FAP: variants seen among roughly 807,000 people sequenced by gnomAD.
FAP encodes the protein fibroblast activation protein alpha, also known as prolyl endopeptidase FAP.
In FAP, 110 loss-of-function variants were observed where a neutral mutation model predicts 126.5. The ratio of observed to expected loss-of-function variants is 0.87; its 90% CI spans 0.74 to 1.02. The LOEUF (loss-of-function observed/expected upper bound fraction) is 1.02, where lower values mean the gene tolerates loss of function less well. Ranked by LOEUF, FAP falls within the 50% of genes least tolerant of loss-of-function variation. The pLI is 0.00. For missense variants in FAP, 919 were observed against 909.2 expected (o/e 1.01, Z -0.14); for synonymous variants, 334 against 297.3 (o/e 1.12, Z -1.27).
At chr2:162,211,243 G>C (rs1010102058) in intron 11 of FAP, among the ~76,000 whole-genome samples, 7 of 152,146 alleles carry the variant, frequency 4.6e-5, no homozygotes, top group Admixed American at 4.6e-4. Context: ...TTGGAAGCTA[G>C]TTAGCAGAAA....
chr2:162,231,769 G>T lies in FAP; in HGVS notation c.92-5148C>A, dbSNP rs189860173. Among the ~76,000 whole-genome samples the T allele has an allele frequency of 5.9e-3, 902 of 152,294 alleles. 11 individuals carry two copies. The highest frequency in any genetic ancestry group is 0.02 in the African/African-American group (830 of 41,552). ...CTGTGTCTGTTTCTGCCATTTGATT[G>T]TCTAGTACTGAAAAATTAGGAATGG... On this transcript the variant is annotated intron_variant, in intron 2 of 25. Coordinates refer to ENST00000188790, the MANE Select transcript of FAP (RefSeq NM_004460.5).
chr2:162,226,429 T>C (rs995595065), intron 3 of FAP, 94 bp downstream of exon 3: 2 of 592,646 alleles, frequency 3.4e-6, no homozygotes, highest in African/African-American at 3.9e-5. Flanking sequence ...TTTCAACTGA[T>C]ACGGCTTCAG....
chr2:162,243,258 T>G (rs1161607159), intron 1 of FAP, 64 bp downstream of exon 1: 1 of 1,258,870 alleles, frequency 7.9e-7, no homozygotes, highest in East Asian at 2.3e-5. Context: ...AATAGAAAAC[T>G]CTGATCACGT....
chr2:162,209,959 G>A lies in FAP; in HGVS notation c.1040C>T (p.Ala347Val), dbSNP rs1688858493. ...AAGATAGCAAAATCATACTCCACCA[G>A]CCCATCCAGTTCTGCTTTCTTCTAT... is the stretch of plus-strand genomic sequence containing the variant. ...EHIEESRTGW[A>V]GGFFVSTPVF... The change falls in exon 12 of 26, where the codon GCT becomes GTT. Residue 347 changes from alanine (A) to valine (V), a missense_variant. Coordinates refer to ENST00000188790, the MANE Select transcript of FAP (RefSeq NM_004460.5). The A allele has an allele frequency of 1.9e-6, 3 of 1,612,584 alleles. No individual in the cohort carries two copies. The highest frequency in any genetic ancestry group is 2.7e-5 in the African/African-American group (2 of 74,870).
intron 21 of FAP, among the ~76,000 whole-genome samples, chr2:162,182,854 G>A (rs1306615332): frequency 1.3e-5 from 2 of 152,278 alleles, no homozygotes; most frequent in African/African-American, 4.8e-5. Flanking sequence ...CCTCAAGTGT[G>A]AGAAGTTATC....
chr2:162,199,133 C>CT (rs1360937682), intron 15 of FAP, among the ~76,000 whole-genome samples: 2 of 152,170 alleles, frequency 1.3e-5, no homozygotes, highest in Non-Finnish European at 2.9e-5. Flanking sequence ...GGAGAAATAT[C>CT]TAACACCTCA....
rs775798389 is a variant in FAP at position 162,216,000 on chromosome 2, G to A, written c.764C>T (p.Ala255Val). The change falls in exon 10 of 26, where the codon GCT (alanine) becomes GTT (valine). Residue 255 changes from alanine (A) to valine (V), a missense_variant and splice_region_variant. Ala to Val is a moderately conservative substitution (Grantham distance 64). Transcript: ENST00000188790. ...PRTINIPYPKAGAKNPVVRIF... is the reference protein window; with the variant it reads ...PRTINIPYPKVGAKNPVVRIF... ...CCGAACAACGGGATTCTTAGCTCCA[G>A]CCTGCCAAGAAAATTGAGATATATA... 1 of 1,612,200 alleles carries A rather than the reference G, an allele frequency of 6.2e-7. No individual in the cohort carries two copies. The highest frequency in any genetic ancestry group is 8.5e-7 in the Non-Finnish European group (1 of 1,178,460).
intron 20 of FAP, among the ~76,000 whole-genome samples, chr2:162,184,353 T>C (rs1398269757): frequency 6.6e-6 from 1 of 152,144 alleles, no homozygotes; most frequent in African/African-American, 2.4e-5. Flanking sequence ...CCCAGAAAAA[T>C]ACTATCTTCT....
chr2:162,202,833 A>G, intron 14 of FAP, 39 bp downstream of exon 14: 2 of 1,513,454 alleles, frequency 1.3e-6, no homozygotes, highest in South Asian at 1.1e-5. Flanking sequence ...GGTGCCAATT[A>G]AAACCTGAAT....
chr2:162,206,359 A>G (rs1416831637), intron 12 of FAP, among the ~76,000 whole-genome samples: 1 of 152,204 alleles, frequency 6.6e-6, no homozygotes, highest in Admixed American at 6.5e-5. Flanking sequence ...ACTCATCTCT[A>G]TATGAAGTGC....
chr2:162,188,333 C>T lies in FAP; in HGVS notation c.1650G>A (p.Arg550=). 1 of 1,613,044 alleles carries T rather than the reference C, an allele frequency of 6.2e-7. No individual in the cohort carries two copies. Among genetic ancestry groups the T allele is most frequent in the South Asian group, 1.1e-5 (1 of 91,046 alleles). The change falls in exon 20 of 26, where the codon AGG becomes AGA. Residue 550 remains arginine, a synonymous_variant. Coordinates refer to ENST00000188790, the MANE Select transcript of FAP (RefSeq NM_004460.5). ...VYGGPCSQSV[R]SVFAVNWISY... is the part of the protein sequence containing the mutation. ...ATATCCAATTAACAGCAAATACAGA[C>T]CTTACACTCTGACTGCAGGGACCAC...
intron 21 of FAP, among the ~76,000 whole-genome samples, chr2:162,178,707 G>A (rs192364418): frequency 1.3e-5 from 2 of 152,306 alleles, no homozygotes; most frequent in Admixed American, 1.3e-4. Flanking sequence ...CTCGATAATG[G>A]AGAGTAATGT....
intron 17 of FAP, 65 bp downstream of exon 17, chr2:162,194,636 A>G: frequency 7.0e-7 from 1 of 1,434,280 alleles, no homozygotes; most frequent in Non-Finnish European, 9.8e-7. Context: ...TGCTTTCTCT[A>G]GCGGAGCATC....
intron 14 of FAP, among the ~76,000 whole-genome samples, chr2:162,200,932 C>T (rs1001135542): frequency 2.0e-5 from 3 of 152,104 alleles, no homozygotes; most frequent in African/African-American, 7.2e-5. Context: ...TGATTAAGAA[C>T]AGTTTACCTG....
At chr2:162,199,028 A>T in intron 15 of FAP, 147 bp from the exon 16 acceptor site, 2 of 697,802 alleles carry the variant, frequency 2.9e-6, no homozygotes, top group Non-Finnish European at 4.7e-6. Context: ...GTAAAGGGGA[A>T]TCACAGTATT....
In FAP at chr2:162,222,611, A is replaced by C. The variant is rs188288595; in HGVS notation, c.413+997T>G. Among the ~76,000 whole-genome samples, 106 of 152,310 alleles carry C rather than the reference A, an allele frequency of 7.0e-4. 1 individual carries two copies. Among genetic ancestry groups the C allele is most frequent in the East Asian group, 5.8e-4 (3 of 5,184 alleles). ...TTCCCCTTTTATATAACAGCAAACA[A>C]GATATCATATTAAGATGAGTAGCTA... On this transcript the variant is annotated intron_variant, in intron 6 of 25. Coordinates refer to ENST00000188790, the MANE Select transcript of FAP (RefSeq NM_004460.5).
intron 20 of FAP, 122 bp downstream of exon 20, chr2:162,188,047 G>T: frequency 1.2e-6 from 1 of 807,584 alleles, no homozygotes; most frequent in Non-Finnish European, 2.0e-6. Flanking sequence ...ATTAGTGATA[G>T]TTTTAGACCA....
intron 2 of FAP, among the ~76,000 whole-genome samples, chr2:162,231,691 T>C (rs1408129272): frequency 1.3e-5 from 2 of 152,244 alleles, no homozygotes; most frequent in East Asian, 1.9e-4. Context: ...AAGCAAGTAA[T>C]GATTTACTAT....
intron 15 of FAP, among the ~76,000 whole-genome samples, chr2:162,199,788 C>T (rs184292029): frequency 1.1e-4 from 16 of 152,258 alleles, no homozygotes; most frequent in Admixed American, 5.2e-4. Context: ...AGTAAGATCA[C>T]GATCCAGGAG....
Sources: allele counts gnomAD v4.1 joint callset (sites outside exome capture counted in the v4.1 genomes callset), GRCh38; gene constraint gnomAD v4.1.1; transcripts MANE v1.5; gene names NCBI Gene and HGNC (gene_info 2026-07-23, HGNC 2026-07-21).